SEMA5A: variants seen among roughly 807,000 people sequenced by gnomAD.
The protein encoded by SEMA5A is semaphorin-5A.
In SEMA5A, 55 loss-of-function variants were observed where a neutral mutation model predicts 135.5. The ratio of observed to expected loss-of-function variants is 0.41; its 90% confidence interval spans 0.33 to 0.51. The LOEUF (loss-of-function observed/expected upper bound fraction) is 0.51, where lower values mean the gene tolerates loss of function less well. Among genes scored for constraint, SEMA5A ranks in the 20% least tolerant of loss-of-function variants. The pLI, the probability that SEMA5A is intolerant of heterozygous loss-of-function variation, is 0.37. For synonymous variants in SEMA5A, 580 were observed against 546.5 expected (o/e 1.06, Z -0.85); for missense variants, 1,290 against 1,419.9 (o/e 0.91, Z 1.47).
At chr5:9,055,653 G>A (rs1378415004) in intron 18 of SEMA5A, among the ~76,000 whole-genome samples, 1 of 152,058 alleles carries the variant, frequency 6.6e-6, no homozygotes, top group Admixed American at 6.5e-5. Flanking sequence ...TTTGCAGAAA[G>A]TAAAAAGAAA....
At chr5:9,111,273 C>A (rs917227295) in intron 15 of SEMA5A, among the ~76,000 whole-genome samples, 3 of 152,252 alleles carry the variant, frequency 2.0e-5, no homozygotes, top group Non-Finnish European at 4.4e-5. Context: ...CTTTCAACAA[C>A]CCCTCTCCTA....
intron 12 of SEMA5A, among the ~76,000 whole-genome samples, chr5:9,145,983 G>A (rs910947195): frequency 3.3e-5 from 5 of 152,034 alleles, no homozygotes; most frequent in Non-Finnish European, 5.9e-5. Context: ...CTTTAGTTGT[G>A]TTTCTCAACT....
chr5:9,153,147 C>A (rs892122908), intron 12 of SEMA5A, among the ~76,000 whole-genome samples: 2 of 151,836 alleles, frequency 1.3e-5, no homozygotes, highest in African/African-American at 4.8e-5. Context: ...TAACTTGGCA[C>A]CTTGTTTAGA....
chr5:9,291,875 T>C (rs902491534), intron 5 of SEMA5A, among the ~76,000 whole-genome samples: 7 of 152,036 alleles, frequency 4.6e-5, no homozygotes, highest in Non-Finnish European at 1.0e-4. Flanking sequence ...TGGTGCTGAT[T>C]AGGTAGCAAT....
At chr5:9,376,757 G>A (rs1253609411) in intron 3 of SEMA5A, among the ~76,000 whole-genome samples, 2 of 152,154 alleles carry the variant, frequency 1.3e-5, no homozygotes, top group Admixed American at 6.6e-5. Context: ...TATGCACTGA[G>A]TTTGGTCCAA....
chr5:9,312,893 C>T (rs1752206876), intron 5 of SEMA5A, among the ~76,000 whole-genome samples: 1 of 152,156 alleles, frequency 6.6e-6, no homozygotes, highest in African/African-American at 2.4e-5. Context: ...TCTCATCACT[C>T]AATTTCAGTA....
chr5:9,371,299 G>T (rs40654), intron 3 of SEMA5A, among the ~76,000 whole-genome samples: 1 of 151,766 alleles, frequency 6.6e-6, no homozygotes, highest in African/African-American at 2.4e-5. Flanking sequence ...AACCATTTTC[G>T]TCAGTCTAAT....
At position 9,226,996 on chromosome 5, in the gene SEMA5A, A is replaced by ATAT. The variant is rs1554006685; in HGVS notation, c.334-30_334-29insATA. Reference sequence around the variant, plus strand: ...AGGGAAAATAAATAAATTAATTAAAAATATATATATATATGTATAATGATA... The same window carrying ATAT: ...AGGGAAAATAAATAAATTAATTAAAATATATATATATATATATGTATAATGATA... On this transcript the variant is annotated intron_variant, in intron 6 of 22. Transcript: ENST00000382496. 4 of 1,059,298 alleles carry ATAT rather than the reference A, an allele frequency of 3.8e-6. No homozygotes were observed. In the East Asian group the frequency reaches 1.0e-4, roughly 28 times the overall value. 65.6% of individuals were successfully genotyped at this position (1,059,298 alleles called of 1,614,324 possible).
At chr5:9,135,629 A>G (rs913528514) in intron 13 of SEMA5A, among the ~76,000 whole-genome samples, 11 of 152,198 alleles carry the variant, frequency 7.2e-5, no homozygotes, top group Non-Finnish European at 1.5e-4. Flanking sequence ...GAGTTCACAC[A>G]CTGAATGTGC....
At chr5:9,212,842 A>T (rs1295431791) in intron 8 of SEMA5A, among the ~76,000 whole-genome samples, 1 of 152,228 alleles carries the variant, frequency 6.6e-6, no homozygotes, top group East Asian at 1.9e-4. Context: ...TTCATAAAAT[A>T]GTGGGGAAAA....
intron 3 of SEMA5A, among the ~76,000 whole-genome samples, chr5:9,360,356 A>G (rs1420906679): frequency 6.6e-6 from 1 of 152,244 alleles, no homozygotes; most frequent in Non-Finnish European, 1.5e-5. Flanking sequence ...ACATTTTAAT[A>G]GTCTAAAAAT....
At chr5:9,408,477 T>A (rs935218771) in intron 2 of SEMA5A, among the ~76,000 whole-genome samples, 1 of 152,334 alleles carries the variant, frequency 6.6e-6, no homozygotes, top group Middle Eastern at 3.4e-3. Context: ...ACAGTGGATA[T>A]GCAGTAAATA....
Position 9,427,264 on chromosome 5 carries a change from T to A in SEMA5A, c.-78+10492A>T, listed in dbSNP as rs182272338. Among the ~76,000 whole-genome samples the A allele has an allele frequency of 1.1e-4, 16 of 151,348 alleles. No individual in the cohort carries two copies. The East Asian group carries it at 2.9e-3, about 28-fold the overall frequency. On this transcript the variant is annotated intron_variant, in intron 2 of 22. Coordinates refer to ENST00000382496, the MANE Select transcript of SEMA5A (RefSeq NM_003966.3). ...AGGCAGAGGTTGCAGTGAGCCGAGATCCCGCCACTGCTCTCCAGCCTGGGT... is the reference window on the plus strand; with the variant it reads ...AGGCAGAGGTTGCAGTGAGCCGAGAACCCGCCACTGCTCTCCAGCCTGGGT...
chr5:9,226,992 T>A, intron 6 of SEMA5A, 25 bp from the exon 7 acceptor site: 1 of 1,177,824 alleles, frequency 8.5e-7, no homozygotes, highest in Non-Finnish European at 1.1e-6. Context: ...ATAAATTAAT[T>A]AAAAATATAT....
chr5:9,455,955 T>C (rs1331979698), intron 1 of SEMA5A, among the ~76,000 whole-genome samples: 1 of 152,124 alleles, frequency 6.6e-6, no homozygotes, highest in Non-Finnish European at 1.5e-5. Flanking sequence ...GGACACATTA[T>C]GGAGAATCTC....
chr5:9,380,001 T>C lies in SEMA5A; in HGVS notation c.-55A>G. The C allele has an allele frequency of 6.4e-7, 1 of 1,556,562 alleles. No individual in the cohort carries two copies. The highest frequency in any genetic ancestry group is 8.7e-7 in the Non-Finnish European group (1 of 1,149,510). ...CGTGTCTTCTAAACAGAAGCTCTTC[T>C]TCTCCTCATGTGTGGAAAGTGCCTA... is the stretch of plus-strand genomic sequence containing the variant. On this transcript the variant is annotated 5_prime_UTR_variant, in exon 3 of 23. Transcript: ENST00000382496.
chr5:9,114,116 C>G (rs1194621086), intron 15 of SEMA5A, among the ~76,000 whole-genome samples: 1 of 152,096 alleles, frequency 6.6e-6, no homozygotes, highest in East Asian at 1.9e-4. Flanking sequence ...TCTTATTCAG[C>G]CTTACAAAAG....
intron 1 of SEMA5A, among the ~76,000 whole-genome samples, chr5:9,488,372 T>C (rs1734834012): frequency 6.6e-6 from 1 of 152,180 alleles, no homozygotes; most frequent in Non-Finnish European, 1.5e-5. Flanking sequence ...TGCGTGATGT[T>C]TAAGAGACAC....
intron 3 of SEMA5A, among the ~76,000 whole-genome samples, chr5:9,377,390 C>T (rs532749786): frequency 1.6e-4 from 25 of 152,118 alleles, no homozygotes; most frequent in Non-Finnish European, 3.5e-4. Flanking sequence ...TTCCTTTGAA[C>T]ACCTTTTGCT....
Sources: allele counts gnomAD v4.1 joint callset (sites outside exome capture counted in the v4.1 genomes callset), GRCh38; gene constraint gnomAD v4.1.1; transcripts MANE v1.5; gene names NCBI Gene and HGNC (gene_info 2026-07-23, HGNC 2026-07-21).